Variants in EYS observed in about 807,000 individuals in gnomAD.
EYS encodes EGF-like photoreceptor maintenance factor.
EYS carries 250 observed loss-of-function variants against 282.1 expected under a neutral mutation model. The ratio of observed to expected loss-of-function variants is 0.89; its 90% CI spans 0.80 to 0.98. EYS has a LOEUF of 0.98. Among genes scored for constraint, EYS ranks in the 50% least tolerant of loss-of-function variants. The probability of loss-of-function intolerance (pLI) is 0.00; values close to 1 mark genes in which losing one functional copy is unlikely to be tolerated. For synonymous variants in EYS, 1,355 were observed against 1,282.9 expected (o/e 1.06, Z -1.20); for missense variants, 4,016 against 3,709.0 (o/e 1.08, Z -2.15).
intron 22 of EYS, among the ~76,000 whole-genome samples, chr6:64,699,216 C>A (rs1162166419): frequency 6.6e-6 from 1 of 152,038 alleles, no homozygotes; most frequent in Admixed American, 6.6e-5. Context: ...AGCAAACTAA[C>A]ACAGGAACCG....
intron 12 of EYS, among the ~76,000 whole-genome samples, chr6:65,129,714 G>A (rs866128316): frequency 1.0e-3 from 157 of 151,954 alleles, no homozygotes; most frequent in African/African-American, 3.6e-3. Flanking sequence ...CATAGTTGGT[G>A]GTAATGTAAA....
chr6:65,034,816 A>G (rs1460827277), intron 13 of EYS, among the ~76,000 whole-genome samples: 1 of 152,120 alleles, frequency 6.6e-6, no homozygotes, highest in Non-Finnish European at 1.5e-5. Context: ...TACTGAAACT[A>G]TTCCAAAAAA....
At chr6:65,429,592 C>A in intron 5 of EYS, among the ~76,000 whole-genome samples, 1 of 152,136 alleles carries the variant, frequency 6.6e-6, no homozygotes, top group African/African-American at 2.4e-5. Context: ...GGTTCCAAAC[C>A]CAATTTGCTA....
chr6:65,427,305 G>C (rs776061326), intron 5 of EYS, among the ~76,000 whole-genome samples: 2 of 151,976 alleles, frequency 1.3e-5, no homozygotes, highest in African/African-American at 2.4e-5. Flanking sequence ...TATAGATCAA[G>C]TTGAAAATTA....
chr6:65,142,577 G>A (rs1312343455), intron 12 of EYS, among the ~76,000 whole-genome samples: 3 of 150,596 alleles, frequency 2.0e-5, no homozygotes, highest in Admixed American at 6.6e-5. Context: ...TGTAACTACT[G>A]GGAAAAGCTG....
chr6:65,582,821 AATGTT>A (rs1296419101), intron 2 of EYS, among the ~76,000 whole-genome samples: 3 of 152,136 alleles, frequency 2.0e-5, no homozygotes, highest in Non-Finnish European at 4.4e-5. Context: ...ACACCTAAGA[AATGTT>A]ATAATTATCC....
chr6:65,264,382 T>A (rs1767697545), intron 12 of EYS, among the ~76,000 whole-genome samples: 1 of 152,126 alleles, frequency 6.6e-6, no homozygotes, highest in Admixed American at 6.6e-5. Flanking sequence ...TCATTACTTT[T>A]AAACATGCAG....
chr6:64,741,855 A>G (rs1469422804), intron 22 of EYS, among the ~76,000 whole-genome samples: 1 of 152,184 alleles, frequency 6.6e-6, no homozygotes, highest in African/African-American at 2.4e-5. Context: ...GGCTAAAGAG[A>G]ATGTCATACC....
intron 31 of EYS, among the ~76,000 whole-genome samples, chr6:64,171,644 CG>C (rs1234771246): frequency 1.3e-5 from 2 of 151,888 alleles, no homozygotes; most frequent in Non-Finnish European, 2.9e-5. Flanking sequence ...TTCCACTGCA[CG>C]TAACAAAATA....
intron 12 of EYS, among the ~76,000 whole-genome samples, chr6:65,226,861 C>G (rs535374877): frequency 1.3e-5 from 2 of 152,166 alleles, no homozygotes; most frequent in African/African-American, 4.8e-5. Context: ...AAGGTAGAAA[C>G]GCAGTCATCC....
intron 35 of EYS, among the ~76,000 whole-genome samples, chr6:63,873,363 T>C (rs879057720): frequency 6.6e-6 from 1 of 152,300 alleles, no homozygotes; most frequent in Non-Finnish European, 1.5e-5. Context: ...TAGTATTCCA[T>C]GGTATATATG....
chr6:63,970,894 A>T (rs909728989), intron 35 of EYS, among the ~76,000 whole-genome samples: 2 of 152,220 alleles, frequency 1.3e-5, no homozygotes, highest in African/African-American at 4.8e-5. Flanking sequence ...CTGCAAATAC[A>T]ATATGAATGC....
intron 35 of EYS, among the ~76,000 whole-genome samples, chr6:63,928,175 G>T (rs1764774965): frequency 6.6e-6 from 1 of 152,162 alleles, no homozygotes; most frequent in Non-Finnish European, 1.5e-5. Context: ...GACAACACTG[G>T]CTTGTAAAAT....
intron 1 of EYS, among the ~76,000 whole-genome samples, chr6:65,667,566 T>A (rs190550539): frequency 1.6e-3 from 240 of 151,956 alleles, no homozygotes; most frequent in Non-Finnish European, 2.8e-4. Flanking sequence ...AACTACCAAA[T>A]CAATTGTTGT....
intron 29 of EYS, among the ~76,000 whole-genome samples, chr6:64,349,900 T>A (rs1713082353): frequency 1.3e-5 from 2 of 151,546 alleles, no homozygotes; most frequent in African/African-American, 4.8e-5. Flanking sequence ...CTTGAAGAAG[T>A]CAGCAATAAA....
intron 36 of EYS, among the ~76,000 whole-genome samples, chr6:63,836,251 A>G (rs561135173): frequency 6.6e-6 from 1 of 152,196 alleles, no homozygotes; most frequent in South Asian, 2.1e-4. Context: ...TGCTAAGTGA[A>G]AGAAGCCAAT....
chr6:64,507,377 T>C (rs1777245088), intron 26 of EYS, among the ~76,000 whole-genome samples: 1 of 152,186 alleles, frequency 6.6e-6, no homozygotes, highest in South Asian at 2.1e-4. Flanking sequence ...GGCTCTGTTA[T>C]ATAATCAGGG....
At position 64,273,841 on chromosome 6, in the gene EYS, A is replaced by C. The variant is rs145295173; in HGVS notation, c.6191+33129T>G. Among the ~76,000 whole-genome samples the C allele has an allele frequency of 4.0e-3, 609 of 152,288 alleles. 5 individuals are homozygous for C. The highest frequency in any genetic ancestry group is 0.014 in the African/African-American group (575 of 41,568). ...ACTTTATTTTCTTCCTTCCAACTAC[A>C]ACCATGTTTGCATGTTAAGTTATTA... is the stretch of plus-strand genomic sequence containing the variant. On this transcript the variant is annotated intron_variant, in intron 30 of 42. Transcript: ENST00000503581.
At chr6:64,748,748 T>C (rs1427911392) in intron 22 of EYS, among the ~76,000 whole-genome samples, 2 of 152,288 alleles carry the variant, frequency 1.3e-5, no homozygotes, top group Non-Finnish European at 2.9e-5. Flanking sequence ...GCATGTATAA[T>C]GTCACATACT....
Sources: gnomAD v4.1 joint callset for allele counts (sites outside exome capture counted in the v4.1 genomes callset) on GRCh38, gnomAD v4.1.1 for gene constraint, MANE v1.5 for transcripts, NCBI Gene and HGNC (gene_info 2026-07-23, HGNC 2026-07-21) for gene names.